The following KANK2 variants were observed in gnomAD, a reference collection of about 807,000 sequenced individuals.
The protein encoded by KANK2 is KN motif and ankyrin repeat domain-containing protein 2.
A neutral mutation model predicts 74.6 loss-of-function variants in KANK2; 41 were observed. That is an observed-to-expected ratio of 0.55 (90% CI 0.43 to 0.71). The LOEUF is 0.71. Among genes scored for constraint, KANK2 ranks in the 30% least tolerant of loss-of-function variants. The pLI, the probability that KANK2 is intolerant of heterozygous loss-of-function variation, is 0.00. For missense variants in KANK2, 1,148 were observed against 1,196.4 expected, an observed-to-expected ratio of 0.96 and a Z score of 0.60; for synonymous variants, 537 against 519.0, an observed-to-expected ratio of 1.03 and a Z score of -0.47.
At chr19:11,189,683 C>G (rs1416969823) in intron 4 of KANK2, among the ~76,000 whole-genome samples, 1 of 146,832 alleles carries the variant, frequency 6.8e-6, no homozygotes, top group East Asian at 2.0e-4. Flanking sequence ...TCAAGCAAGG[C>G]AGAGATTGGG....
intron 9 of KANK2, 53 bp from the exon 10 acceptor site, chr19:11,173,176 C>T (rs756387589): frequency 5.5e-5 from 86 of 1,569,738 alleles, no homozygotes; most frequent in Non-Finnish European, 6.7e-5. Context: ...AGTGGACTGC[C>T]CCAAGGAACG....
chr19:11,172,892 A>G lies in KANK2; in HGVS notation c.2211+89T>C, dbSNP rs1462787537. On this transcript the variant is annotated intron_variant, in intron 10 of 12. Coordinates refer to ENST00000586659, the MANE Select transcript of KANK2 (RefSeq NM_001136191.3). ...CCATGAAGAGCAGGGCTCTGGAGTT[A>G]GACCACCTGGGTTTGGGCCTGTCAC... is the stretch of plus-strand genomic sequence containing the variant. 4 of 1,435,588 alleles carry G rather than the reference A, an allele frequency of 2.8e-6. No homozygotes were observed. In the East Asian group the frequency reaches 6.8e-5, roughly 25 times the overall value. The allele number at this position is 1,435,588 out of a possible 1,614,324, so 88.9% of individuals were successfully genotyped here.
rs145606678 is a variant in KANK2 at position 11,171,874 on chromosome 19, C to T, written c.2211+1107G>A. Among the ~76,000 whole-genome samples, 176 of 149,458 alleles carry T rather than the reference C, an allele frequency of 1.2e-3. 3 individuals carry two copies. In the East Asian group the frequency reaches 0.025, roughly 22 times the overall value. On this transcript the variant is annotated intron_variant, in intron 10 of 12. Coordinates refer to ENST00000586659, the MANE Select transcript of KANK2 (RefSeq NM_001136191.3). The stretch of plus-strand genomic sequence containing the variant: ...TTTTTTTAGTAGAGATGGGGTTTCA[C>T]CATGTTGATTAGGCTGGTCTCAAAC...
intron 4 of KANK2, among the ~76,000 whole-genome samples, chr19:11,191,603 C>T (rs1397245350): frequency 6.6e-6 from 1 of 152,240 alleles, no homozygotes; most frequent in Non-Finnish European, 1.5e-5. Context: ...AGGGCCCCCT[C>T]TGGGATTTTT....
intron 4 of KANK2, among the ~76,000 whole-genome samples, chr19:11,181,088 CAAAA>C (rs752985367): frequency 3.7e-4 from 9 of 24,096 alleles, no homozygotes; most frequent in South Asian, 2.9e-3. Context: ...CTCTTGTCTC[CAAAA>C]AAAAAAAAAA....
Position 11,165,911 on chromosome 19 carries a change from TCC to T in KANK2, c.*645_*646del, listed in dbSNP as rs970321978. The T allele has an allele frequency of 3.3e-5, 5 of 152,154 alleles. No homozygotes were observed. Among genetic ancestry groups the T allele is most frequent in the Admixed American group, 6.6e-5 (1 of 15,260 alleles). 9.4% of individuals were successfully genotyped at this position (152,154 alleles called of 1,614,324 possible). On this transcript the variant is annotated 3_prime_UTR_variant, in exon 13 of 13. Coordinates refer to ENST00000586659, the MANE Select transcript of KANK2 (RefSeq NM_001136191.3). ...TGTAAGTCACAGAGCCTGTCCTGAGTCCCTTCATCTGAATGAGGGTGAAAAGA... is the reference window on the plus strand; with the variant it reads ...TGTAAGTCACAGAGCCTGTCCTGAGTCTTCATCTGAATGAGGGTGAAAAGA...
At chr19:11,192,729 C>T (rs1398588254) in intron 4 of KANK2, 102 bp downstream of exon 4, 3 of 1,459,054 alleles carry the variant, frequency 2.1e-6, no homozygotes, top group Middle Eastern at 1.7e-4. Flanking sequence ...GCCACCGCAC[C>T]CTGCCTGGAC....
chr19:11,180,781 C>T (rs1339908183), intron 4 of KANK2, among the ~76,000 whole-genome samples: 2 of 152,016 alleles, frequency 1.3e-5, no homozygotes, highest in East Asian at 1.9e-4. Context: ...AAATGCAGGG[C>T]GCCTAACTTG....
intron 12 of KANK2, 25 bp downstream of exon 12, chr19:11,169,852 C>A: frequency 1.3e-6 from 2 of 1,593,580 alleles, no homozygotes; most frequent in South Asian, 1.1e-5. Flanking sequence ...CCATCCCGTG[C>A]CTACCCGGCC....
At chr19:11,169,155 C>G (rs977102410) in intron 12 of KANK2, among the ~76,000 whole-genome samples, 6 of 151,940 alleles carry the variant, frequency 3.9e-5, no homozygotes, top group African/African-American at 1.5e-4. Context: ...CTGGCCAACA[C>G]AGTGAAATCC....
chr19:11,183,470 G>A (rs976000126), intron 4 of KANK2, among the ~76,000 whole-genome samples: 26 of 151,506 alleles, frequency 1.7e-4, no homozygotes, highest in Admixed American at 4.6e-4. Flanking sequence ...CAGGGACTCA[G>A]GAAAGGGAAA....
chr19:11,180,473 C>T (rs1450458795), intron 4 of KANK2, among the ~76,000 whole-genome samples: 1 of 151,962 alleles, frequency 6.6e-6, no homozygotes, highest in African/African-American at 2.4e-5. Flanking sequence ...AGAACGGTGA[C>T]CAAATGCTGG....
intron 6 of KANK2, 77 bp downstream of exon 6, chr19:11,178,268 T>G: frequency 2.3e-5 from 25 of 1,099,906 alleles, no homozygotes; most frequent in Middle Eastern, 3.3e-4. Context: ...AATGAGGTAA[T>G]TAGGAGGCTC....
chr19:11,195,541 G>A (rs2078993132), intron 2 of KANK2, 81 bp downstream of exon 2: 1 of 152,260 alleles, frequency 6.6e-6, no homozygotes, highest in Non-Finnish European at 1.5e-5. Context: ...TTTGAGTGCT[G>A]GGGCCGGCAG....
At position 11,194,529 on chromosome 19, in the gene KANK2, C is replaced by T. The variant is rs201780234; in HGVS notation, c.-18G>A. 17 of 1,610,082 alleles carry T rather than the reference C, an allele frequency of 1.1e-5. No homozygotes were observed. In the Middle Eastern group the frequency reaches 4.9e-4, roughly 47 times the overall value. On this transcript the variant is annotated 5_prime_UTR_variant, in exon 3 of 13. Transcript: ENST00000586659. ...TGGGCCATCTTCTTTTCTACAGATG[C>T]TCCTTGGAAGTCACTTGAGGGACTG...
In KANK2 at chr19:11,173,003, T is replaced by C. The variant is rs1252279707; in HGVS notation, c.2189A>G (p.Asn730Ser). The change falls in exon 10 of 13, where the codon AAC becomes AGC. Residue 730 changes from asparagine to serine, a missense_variant. Asn to Ser is a conservative substitution (Grantham distance 46, BLOSUM62 1). Coordinates refer to ENST00000586659, the MANE Select transcript of KANK2 (RefSeq NM_001136191.3). ...ETVLQLFRLGNINAKASQAGQ... is the reference protein window; with the variant it reads ...ETVLQLFRLGSINAKASQAGQ... ...TACCTGGCTGGCTTTGGCATTGATG[T>C]TGCCAAGCCGGAAGAGCTGAAGGAC... 1 of 1,613,892 alleles carries C rather than the reference T, an allele frequency of 6.2e-7. No individual in the cohort carries two copies. The highest frequency in any genetic ancestry group is 1.7e-5 in the Admixed American group (1 of 59,962).
Position 11,193,520 on chromosome 19 carries a change from T to A in KANK2, c.560A>T (p.His187Leu). The A allele has an allele frequency of 6.2e-7, 1 of 1,608,078 alleles. No homozygotes were observed. Among genetic ancestry groups the A allele is most frequent in the Admixed American group, 1.7e-5 (1 of 59,998 alleles). The part of the protein sequence containing the change: ...PVPPSAGHLA[H>L]VREQMAGALR... ...GGCACCCGCCATCTGCTCCCGCACG[T>A]GGGCCAGGTGCCCGGCACTGGGAGG... The change falls in exon 4 of 13, where the codon CAC (histidine) becomes CTC (leucine). Residue 187 changes from histidine to leucine, a missense_variant. Coordinates refer to ENST00000586659, the MANE Select transcript of KANK2 (RefSeq NM_001136191.3). This position sits in a 1 kb window ranked among gnomAD's most constrained non-coding sequence, Gnocchi z 9.6.
At chr19:11,181,850 C>CA (rs1266738407) in intron 4 of KANK2, among the ~76,000 whole-genome samples, 1 of 149,466 alleles carries the variant, frequency 6.7e-6, no homozygotes, top group Non-Finnish European at 1.5e-5. Flanking sequence ...AACAAACAAA[C>CA]AAAAAAATGA....
chr19:11,197,264 G>A (rs577581519), intron 1 of KANK2: 1 of 149,946 alleles, frequency 6.7e-6, no homozygotes, highest in South Asian at 2.1e-4. Context: ...TGGGGGTATG[G>A]GGTCAAAGAC....
Sources: allele counts gnomAD v4.1 joint callset (sites outside exome capture counted in the v4.1 genomes callset), GRCh38; gene constraint gnomAD v4.1.1; non-coding constraint Gnocchi (gnomAD v3.1); transcripts MANE v1.5; gene names NCBI Gene and HGNC (gene_info 2026-07-23, HGNC 2026-07-21).